AFF3: variants seen among roughly 807,000 people sequenced by gnomAD.
AFF3 encodes the protein AF4/FMR2 family member 3.
Under a neutral mutation model 129.7 loss-of-function variants are expected in AFF3, and 32 were observed. That is an observed-to-expected ratio of 0.25 (90% confidence interval 0.19 to 0.33). AFF3 has a LOEUF of 0.33. AFF3 is among the 10% of genes least tolerant of loss of function. The pLI is 1.00. For missense variants in AFF3, 1,373 were observed against 1,592.0 expected, an observed-to-expected ratio of 0.86 and a Z score of 2.34; for synonymous variants, 644 against 635.4, an observed-to-expected ratio of 1.01 and a Z score of -0.20.
intron 7 of AFF3, among the ~76,000 whole-genome samples, chr2:99,959,194 C>T (rs1676968014): frequency 1.3e-5 from 2 of 152,028 alleles, no homozygotes; most frequent in African/African-American, 4.8e-5. Context: ...ATTTAATCAG[C>T]TTCCTTTCTG....
At chr2:99,829,545 C>T (rs1454092688) in intron 8 of AFF3, among the ~76,000 whole-genome samples, 1 of 152,226 alleles carries the variant, frequency 6.6e-6, no homozygotes, top group African/African-American at 2.4e-5. Flanking sequence ...CTCATCATCA[C>T]TGGTCATTAG....
intron 7 of AFF3, among the ~76,000 whole-genome samples, chr2:99,942,843 C>T (rs1675186141): frequency 6.6e-6 from 1 of 152,098 alleles, no homozygotes; most frequent in Non-Finnish European, 1.5e-5. Context: ...CACCTGGCCT[C>T]ACAGCTGGCT....
intron 8 of AFF3, among the ~76,000 whole-genome samples, chr2:99,812,155 C>T (rs1686840363): frequency 6.6e-6 from 1 of 152,126 alleles, no homozygotes; most frequent in Admixed American, 6.5e-5. Context: ...GTGGCCAATC[C>T]TGATGACCAG....
rs576456571 is a variant in AFF3 at position 100,134,044 on chromosome 2, A to G, written c.-227-4738T>C. Among the ~76,000 whole-genome samples, 501 of 152,318 alleles carry G rather than the reference A, an allele frequency of 3.3e-3. 6 individuals carry two copies. The highest frequency in any genetic ancestry group is 0.011 in the African/African-American group (477 of 41,570). ...GACTGCATAGTATTTCACTGGACTA[A>G]TATGGTACAATTTGCTCAAGCCACT... On this transcript the variant is annotated intron_variant, in intron 1 of 24. Transcript: ENST00000672756.
intron 4 of AFF3, among the ~76,000 whole-genome samples, chr2:100,017,506 T>C (rs1683232749): frequency 1.3e-5 from 2 of 152,182 alleles, no homozygotes; most frequent in South Asian, 2.1e-4. Flanking sequence ...GTCTGTGCCA[T>C]AACCACTTCT....
intron 7 of AFF3, among the ~76,000 whole-genome samples, chr2:99,847,700 C>T (rs140698288): frequency 6.6e-6 from 1 of 152,050 alleles, no homozygotes; most frequent in Non-Finnish European, 1.5e-5. Flanking sequence ...TGTCCCCTCT[C>T]GTTTTTCAGA....
At position 99,841,273 on chromosome 2, in the gene AFF3, A is replaced by T. The variant is rs181335528; in HGVS notation, c.874-3749T>A. ...TGATAAGGAAATGCGCTGAGAGAGA[A>T]ATGCAGGATAGATGCCCTATTAGAT... is the stretch of plus-strand genomic sequence containing the variant. On this transcript the variant is annotated intron_variant, in intron 7 of 24. Transcript: ENST00000672756. 1.3e-3 allele frequency among the ~76,000 whole-genome samples: 205 copies of T among 152,350 alleles called. 1 individual carries two copies. The highest frequency in any genetic ancestry group is 4.8e-3 in the African/African-American group (201 of 41,586).
intron 13 of AFF3, among the ~76,000 whole-genome samples, chr2:99,609,004 A>T (rs1431747257): frequency 6.6e-6 from 1 of 152,148 alleles, no homozygotes; most frequent in African/African-American, 2.4e-5. Flanking sequence ...AACCAGAAGA[A>T]GTTTTACCCA....
At chr2:99,784,173 C>T (rs937993951) in intron 8 of AFF3, among the ~76,000 whole-genome samples, 2 of 152,184 alleles carry the variant, frequency 1.3e-5, no homozygotes, top group African/African-American at 4.8e-5. Context: ...CTGGATACAG[C>T]ATCTGTCAAT....
chr2:100,003,395 C>A (rs1681616988), intron 7 of AFF3, among the ~76,000 whole-genome samples: 2 of 152,186 alleles, frequency 1.3e-5, no homozygotes, highest in African/African-American at 2.4e-5. Context: ...TTCTAGAGGG[C>A]ATGCTTTGGC....
chr2:100,071,527 C>T (rs1688182454), intron 4 of AFF3, among the ~76,000 whole-genome samples: 2 of 152,208 alleles, frequency 1.3e-5, no homozygotes, highest in South Asian at 4.2e-4. Context: ...CGAAACACGT[C>T]GGGAGAGAGG....
intron 13 of AFF3, among the ~76,000 whole-genome samples, chr2:99,608,292 T>C (rs1680572007): frequency 6.6e-6 from 1 of 152,186 alleles, no homozygotes; most frequent in African/African-American, 2.4e-5. Flanking sequence ...TGGCTATGTT[T>C]CCCTACTCTG....
chr2:99,996,968 C>T (rs868093205), intron 7 of AFF3, among the ~76,000 whole-genome samples: 5 of 152,090 alleles, frequency 3.3e-5, no homozygotes, highest in East Asian at 3.9e-4. Flanking sequence ...CTATACTCTA[C>T]GTTTTCTTCC....
intron 4 of AFF3, among the ~76,000 whole-genome samples, chr2:100,076,190 C>A (rs1021864934): frequency 6.6e-6 from 1 of 152,194 alleles, no homozygotes; most frequent in Non-Finnish European, 1.5e-5. Flanking sequence ...CCACTGACTG[C>A]TTCTCCCGAA....
At chr2:99,699,409 A>G (rs1676620740) in intron 11 of AFF3, among the ~76,000 whole-genome samples, 1 of 152,230 alleles carries the variant, frequency 6.6e-6, no homozygotes, top group Non-Finnish European at 1.5e-5. Context: ...CTCATTTAAT[A>G]ACAACATCAA....
Position 99,613,455 on chromosome 2 carries a change from A to AT in AFF3, c.1185-11835dup, listed in dbSNP as rs1197757321. 5.3e-5 allele frequency among the ~76,000 whole-genome samples: 8 copies of AT among 152,078 alleles called. No homozygotes were observed. In the East Asian group the frequency reaches 1.2e-3, roughly 22 times the overall value. Reference sequence around the variant, plus strand: ...CATTAATTCTTTTGTCAATTTTTGAATTTTTTTCCCAAAAGATCCTATTTA... The same window carrying AT: ...CATTAATTCTTTTGTCAATTTTTGAATTTTTTTTCCCAAAAGATCCTATTTA... On this transcript the variant is annotated intron_variant, in intron 13 of 24. Transcript: ENST00000672756.
chr2:99,700,610 G>C (rs17022922), intron 11 of AFF3, among the ~76,000 whole-genome samples: 4,419 of 152,324 alleles, frequency 0.029, 199 homozygotes, highest in African/African-American at 0.098. Flanking sequence ...TATTAAATCT[G>C]CAGTACAAAT....
intron 10 of AFF3, among the ~76,000 whole-genome samples, chr2:99,734,089 T>C (rs996592333): frequency 1.3e-5 from 2 of 152,202 alleles, no homozygotes; most frequent in Non-Finnish European, 2.9e-5. Context: ...TATTTTGATA[T>C]TTCTTAACGT....
chr2:99,723,580 G>T (rs1558787170), intron 11 of AFF3, among the ~76,000 whole-genome samples: 1 of 152,072 alleles, frequency 6.6e-6, no homozygotes, highest in Non-Finnish European at 1.5e-5. Flanking sequence ...CAGCTGCCAT[G>T]GAGCCTATTA....
Sources: allele counts gnomAD v4.1 joint callset (sites outside exome capture counted in the v4.1 genomes callset), GRCh38; gene constraint gnomAD v4.1.1; transcripts MANE v1.5; gene names NCBI Gene and HGNC (gene_info 2026-07-23, HGNC 2026-07-21).